Variants in YOD1 observed in about 807,000 individuals in gnomAD.
The protein encoded by YOD1 is ubiquitin thioesterase OTU1.
YOD1 carries 17 observed loss-of-function variants against 23.7 expected under a neutral mutation model. The ratio of observed to expected loss-of-function variants is 0.72; its 90% CI spans 0.49 to 1.07. YOD1 has a LOEUF of 1.07. Ranked by LOEUF, YOD1 falls within the 50% of genes least tolerant of loss-of-function variation. The probability of loss-of-function intolerance (pLI) is 0.00; values close to 1 mark genes in which losing one functional copy is unlikely to be tolerated. For synonymous variants in YOD1, 191 were observed against 169.6 expected (o/e 1.13, Z -0.98); for missense variants, 413 against 447.2 (o/e 0.92, Z 0.69).
At chr1:207,052,278 A>C (rs776216880), upstream of YOD1, 15 of 1,559,364 alleles carry the variant, frequency 9.6e-6, no homozygotes, top group Non-Finnish European at 1.3e-5. Flanking sequence ...TGCTGGTGCA[A>C]TTTTCCTCCT....
chr1:207,052,735 C>G (rs1682788067), upstream of YOD1: 1 of 133,484 alleles, frequency 7.5e-6, no homozygotes, highest in African/African-American at 2.9e-5. Flanking sequence ...TCTGGTTCAA[C>G]GATGAGAGTG....
Position 207,050,845 on chromosome 1 carries a change from C to A in YOD1, c.186G>T (p.Gly62=). 2 of 1,612,932 alleles carry A rather than the reference C, an allele frequency of 1.2e-6. No homozygotes were observed. The highest frequency in any genetic ancestry group is 1.7e-6 in the Non-Finnish European group (2 of 1,179,924). The change falls in exon 1 of 2, where the codon GGG becomes GGT. Residue 62 remains glycine, a synonymous_variant. Transcript: ENST00000315927. Reference sequence around the variant, plus strand: ...CCCGCACCCGGGTCCGGCTGGACAGCCCCTGCAAAACATGGGTGCCGTCCT... The same window carrying A: ...CCCGCACCCGGGTCCGGCTGGACAGACCCTGCAAAACATGGGTGCCGTCCT... ...KAKDGTHVLQ[G]LSSRTRVREL...
rs1178271102 is a variant in YOD1, at chr1:207,049,187, G to A, written c.880C>T (p.Leu294Phe). 1 of 1,613,950 alleles carries A rather than the reference G, an allele frequency of 6.2e-7. No homozygotes were observed. Among genetic ancestry groups the A allele is most frequent in the Non-Finnish European group, 8.5e-7 (1 of 1,180,032 alleles). The change falls in exon 2 of 2, where the codon CTT becomes TTT. Residue 294 changes from leucine to phenylalanine, a missense_variant. Transcript: ENST00000315927. ...TCTGCTAATTCCAGTGCTTGTACAA[G>A]AACAATATCATCATTAGAGGAGAAA... ...TIFSSNDDIV[L>F]VQALELADEA...
At chr1:207,049,850 C>G in intron 1 of YOD1, 127 bp from the exon 2 acceptor site, 5 of 829,254 alleles carry the variant, frequency 6.0e-6, no homozygotes, top group Admixed American at 3.0e-5. Flanking sequence ...AAGGAGAATA[C>G]AGTTTTGCAA....
In YOD1 at chr1:207,050,695, G is replaced by A; in HGVS notation, c.336C>T (p.Ile112=). ...CCAGCCCTGATTCCTTACCAGATTG[G>A]ATGGGCAAGTCTTCCAGAATGGTAT... ...NGDTILEDLP[I]QSGDMLIIEE... The change falls in exon 1 of 2, where the codon ATC becomes ATT. Residue 112 remains isoleucine (I), a synonymous_variant. Transcript: ENST00000315927. The A allele has an allele frequency of 6.2e-7, 1 of 1,613,094 alleles. No homozygotes were observed. The highest frequency in any genetic ancestry group is 8.5e-7 in the Non-Finnish European group (1 of 1,179,982).
At chr1:207,050,646 AT>A in intron 1 of YOD1, 41 bp downstream of exon 1, 1 of 1,604,200 alleles carries the variant, frequency 6.2e-7, no homozygotes, top group East Asian at 2.2e-5. Context: ...GCCCCTCTCC[AT>A]CCTCCCGGGA....
At chr1:207,052,191 T>C (rs1682769137), upstream of YOD1, 2 of 1,612,720 alleles carry the variant, frequency 1.2e-6, no homozygotes, top group Non-Finnish European at 1.7e-6. Flanking sequence ...TCACCTCCAC[T>C]GTAAAAGACT....
intron 1 of YOD1, among the ~76,000 whole-genome samples, chr1:207,049,928 T>G (rs1195865675): frequency 6.6e-6 from 1 of 152,186 alleles, no homozygotes; most frequent in Non-Finnish European, 1.5e-5. Context: ...AAAAAACACT[T>G]GAGGTTGCAT....
At position 207,046,136 on chromosome 1, in the gene YOD1, G is replaced by T. The variant is rs1015839195; in HGVS notation, c.*2884C>A. 3.3e-5 allele frequency: 5 copies of T among 152,048 alleles called. No homozygotes were observed. Among genetic ancestry groups the T allele is most frequent in the African/African-American group, 9.6e-5 (4 of 41,520 alleles). The allele number at this position is 152,048 out of a possible 1,614,324, so 9.4% of individuals were successfully genotyped here. A position where few individuals can be genotyped will look rare whatever the true frequency, so the allele number is the denominator to read the frequency against. ...AAGTAAGAGAAAGGAAGAAGGGTGGGGTGGGAAAGTGAGGTCTTTATTCAC... is the reference window on the plus strand; with the variant it reads ...AAGTAAGAGAAAGGAAGAAGGGTGGTGTGGGAAAGTGAGGTCTTTATTCAC... On this transcript the variant is annotated 3_prime_UTR_variant, in exon 2 of 2. Transcript: ENST00000315927.
upstream of YOD1, among the ~76,000 whole-genome samples, chr1:207,052,009 G>A (rs1256144760): frequency 6.6e-6 from 1 of 152,200 alleles, no homozygotes; most frequent in Non-Finnish European, 1.5e-5. Flanking sequence ...AGGCGAAGGA[G>A]GAATAAAGAC....
Position 207,043,882 on chromosome 1 carries a change from T to TCACTTAATA in YOD1, c.*5129_*5137dup, listed in dbSNP as rs1329409361. The TCACTTAATA allele has an allele frequency of 6.6e-6, 1 of 152,544 alleles. No homozygotes were observed. The highest frequency in any genetic ancestry group is 1.5e-5 in the Non-Finnish European group (1 of 67,980). The allele number at this position is 152,544 out of a possible 1,614,324, so 9.4% of individuals were successfully genotyped here. On this transcript the variant is annotated 3_prime_UTR_variant, in exon 2 of 2. Transcript: ENST00000315927. ...ACTTCATTTATTCCTTTGAAACAAG[T>TCACTTAATA]CACTTAATACAGCATTTAGATATTT...
In YOD1 at chr1:207,050,540, A is replaced by G. The variant is rs142650834; in HGVS notation, c.343+148T>C. The G allele has an allele frequency of 1.0e-3, 1,075 of 1,024,742 alleles. 3 individuals are homozygous for G. Among genetic ancestry groups the G allele is most frequent in the African/African-American group, 9.4e-3 (566 of 59,930 alleles). The allele number at this position is 1,024,742 out of a possible 1,614,324, so 63.5% of individuals were successfully genotyped here. A position where few individuals can be genotyped will look rare whatever the true frequency, so the allele number is the denominator to read the frequency against. ...GACACTTGCCCTGGCCCCCGTCAGCATTCTCTGTTCTTTGATCTATCCTCG... is the reference window on the plus strand; with the variant it reads ...GACACTTGCCCTGGCCCCCGTCAGCGTTCTCTGTTCTTTGATCTATCCTCG... On this transcript the variant is annotated intron_variant, in intron 1 of 1. Transcript: ENST00000315927.
Position 207,045,348 on chromosome 1 carries a change from T to C in YOD1, c.*3672A>G, listed in dbSNP as rs1475656117. On this transcript the variant is annotated 3_prime_UTR_variant, in exon 2 of 2. Coordinates refer to ENST00000315927, the MANE Select transcript of YOD1 (RefSeq NM_018566.4). The stretch of plus-strand genomic sequence containing the variant: ...GCTCCTAATAGTTACTGAAATTGAG[T>C]TCTACTGTTATCAAAACACCAGAAT... 3 of 152,434 alleles carry C rather than the reference T, an allele frequency of 2.0e-5. No individual in the cohort carries two copies. The highest frequency in any genetic ancestry group is 6.5e-5 in the Admixed American group (1 of 15,272). 9.4% of individuals were successfully genotyped at this position (152,434 alleles called of 1,614,324 possible).
upstream of YOD1, chr1:207,052,077 G>T (rs990475102): frequency 1.1e-6 from 1 of 877,924 alleles, no homozygotes; most frequent in Non-Finnish European, 1.8e-6. Flanking sequence ...TCTTTATCCA[G>T]CCGGGATTCA....
In YOD1 at chr1:207,044,583, A is replaced by G. The variant is rs1216691458; in HGVS notation, c.*4437T>C. 3 of 152,416 alleles carry G rather than the reference A, an allele frequency of 2.0e-5. No individual in the cohort carries two copies. Among genetic ancestry groups the G allele is most frequent in the African/African-American group, 7.2e-5 (3 of 41,456 alleles). 9.4% of individuals were successfully genotyped at this position (152,416 alleles called of 1,614,324 possible). A position where few individuals can be genotyped will look rare whatever the true frequency, so the allele number is the denominator to read the frequency against. On this transcript the variant is annotated 3_prime_UTR_variant, in exon 2 of 2. Coordinates refer to ENST00000315927, the MANE Select transcript of YOD1 (RefSeq NM_018566.4). Reference sequence around the variant, plus strand: ...TATGTTGGTTAGTACTTTTAAAAACATATGTATAAAAGGGCATCATGGCAA... The same window carrying G: ...TATGTTGGTTAGTACTTTTAAAAACGTATGTATAAAAGGGCATCATGGCAA...
rs1260301417 is a variant in YOD1 at position 207,046,603 on chromosome 1, T to A, written c.*2417A>T. 1 of 152,060 alleles carries A rather than the reference T, an allele frequency of 6.6e-6. No individual in the cohort carries two copies. The highest frequency in any genetic ancestry group is 1.5e-5 in the Non-Finnish European group (1 of 67,922). 9.4% of individuals were successfully genotyped at this position (152,060 alleles called of 1,614,324 possible). A position where few individuals can be genotyped will look rare whatever the true frequency, so the allele number is the denominator to read the frequency against. The stretch of plus-strand genomic sequence containing the variant: ...TTTTTGAAAGGAATTTGACAGAGTA[T>A]CAGTGTCCAACCGGTAAATGGACAA... On this transcript the variant is annotated 3_prime_UTR_variant, in exon 2 of 2. Transcript: ENST00000315927.
chr1:207,050,761 G>T lies in YOD1; in HGVS notation c.270C>A (p.Leu90=), dbSNP rs1682723824. Residue 90 remains leucine (L), a synonymous_variant, in exon 1 of 2, where the codon CTC becomes CTA. Transcript: ENST00000315927. ...TGIAPGGQRI[L]VGYPPECLDL... ...CCAGGCACTCGGGAGGGTATCCGAC[G>T]AGGATTCGCTGACCGCCGGGGGCGA... 6.2e-7 allele frequency: 1 copy of T among 1,613,298 alleles called. No individual in the cohort carries two copies. The highest frequency in any genetic ancestry group is 1.3e-5 in the African/African-American group (1 of 74,944).
In YOD1 at chr1:207,046,722, A is replaced by C. The variant is rs1264968687; in HGVS notation, c.*2298T>G. The C allele has an allele frequency of 6.6e-6, 1 of 152,108 alleles. No homozygotes were observed. The allele number at this position is 152,108 out of a possible 1,614,324, so 9.4% of individuals were successfully genotyped here. ...CAAAGCCCTTACAATGAAGGGGTTTAATTCTGTAAAATATCAGTGTTCTAT... is the reference window on the plus strand; with the variant it reads ...CAAAGCCCTTACAATGAAGGGGTTTCATTCTGTAAAATATCAGTGTTCTAT... On this transcript the variant is annotated 3_prime_UTR_variant, in exon 2 of 2. Coordinates refer to ENST00000315927, the MANE Select transcript of YOD1 (RefSeq NM_018566.4).
chr1:207,051,545 G>C (rs762001251), upstream of YOD1, among the ~76,000 whole-genome samples: 1 of 152,178 alleles, frequency 6.6e-6, no homozygotes, highest in African/African-American at 2.4e-5. Context: ...GCTTGAAAAC[G>C]TCTATTTGCC....
Sources: gnomAD v4.1 joint callset for allele counts (sites outside exome capture counted in the v4.1 genomes callset) on GRCh38, gnomAD v4.1.1 for gene constraint, MANE v1.5 for transcripts, NCBI Gene and HGNC (gene_info 2026-07-23, HGNC 2026-07-21) for gene names.